The following RANBP10 variants were observed in gnomAD, a reference collection of about 807,000 sequenced individuals.
The protein encoded by RANBP10 is RAN binding protein 10.
In RANBP10, 24 loss-of-function variants were observed where a neutral mutation model predicts 72.8. That is an observed-to-expected ratio of 0.33 (90% confidence interval 0.24 to 0.46). The LOEUF is 0.46. Among genes scored for constraint, RANBP10 ranks in the 20% least tolerant of loss-of-function variants. RANBP10 has a pLI of 1.00. For missense variants in RANBP10, 679 were observed against 817.5 expected, an observed-to-expected ratio of 0.83 and a Z score of 2.07; for synonymous variants, 310 against 322.3, an observed-to-expected ratio of 0.96 and a Z score of 0.41.
intron 2 of RANBP10, among the ~76,000 whole-genome samples, chr16:67,785,358 A>G (rs944417589): frequency 1.1e-4 from 17 of 152,288 alleles, no homozygotes; most frequent in South Asian, 2.1e-4. Context: ...TTGATTTCAC[A>G]ATGGATTTAG....
intron 3 of RANBP10, among the ~76,000 whole-genome samples, chr16:67,751,124 T>C (rs2054187926): frequency 1.3e-5 from 2 of 152,206 alleles, no homozygotes; most frequent in Non-Finnish European, 2.9e-5. Flanking sequence ...AACAACAATT[T>C]GGTCATTTGA....
At chr16:67,733,053 CAAAAAAA>C (rs770521202) in intron 6 of RANBP10, among the ~76,000 whole-genome samples, 10 of 43,804 alleles carry the variant, frequency 2.3e-4, no homozygotes, top group African/African-American at 7.3e-4. Flanking sequence ...GACTCCATCT[CAAAAAAA>C]AAAAAAAAAA....
chr16:67,791,715 C>A (rs1211271838), intron 2 of RANBP10, among the ~76,000 whole-genome samples: 1 of 152,118 alleles, frequency 6.6e-6, no homozygotes, highest in Non-Finnish European at 1.5e-5. Flanking sequence ...TCAGAACCTG[C>A]CCCAGAAAAG....
chr16:67,803,828 ATT>A (rs2055280925), intron 2 of RANBP10, among the ~76,000 whole-genome samples: 1 of 136,598 alleles, frequency 7.3e-6, no homozygotes, highest in Non-Finnish European at 1.5e-5. Flanking sequence ...ACCCCATCTC[ATT>A]AAAAAAAAAA....
rs140869205 is a variant in RANBP10 at position 67,754,350 on chromosome 16, G to C, written c.401-9895C>G. On this transcript the variant is annotated intron_variant, in intron 3 of 13. Coordinates refer to ENST00000317506, the MANE Select transcript of RANBP10 (RefSeq NM_020850.3). ...AACAGTGGTGTGGACAGAAAACTTT[G>C]AGTGAAGTCACTGGAGGATTTTCCT... Among the ~76,000 whole-genome samples, 283 of 152,280 alleles carry C rather than the reference G, an allele frequency of 1.9e-3. 2 individuals are homozygous for C. The highest frequency in any genetic ancestry group is 3.1e-3 in the Non-Finnish European group (211 of 68,010).
At position 67,729,704 on chromosome 16, in the gene RANBP10, T is replaced by A. The variant is rs768686615; in HGVS notation, c.1123A>T (p.Ser375Cys). Reference protein sequence around the residue: ...SPSLSPRHGPSSSHMHNTGAD... With the variant: ...SPSLSPRHGPCSSHMHNTGAD... ...CCTGTGTTGTGCATGTGGGAACTAC[T>A]GGGGCCATGTCGGGGACTGAGGCTG... is the stretch of plus-strand genomic sequence containing the variant. The change falls in exon 9 of 14, where the codon AGT becomes TGT. Residue 375 changes from serine to cysteine, a missense_variant. By Grantham distance (112) the Ser-to-Cys change is moderately radical (BLOSUM62 -1). Coordinates refer to ENST00000317506, the MANE Select transcript of RANBP10 (RefSeq NM_020850.3). This position sits in a 1 kb window ranked among gnomAD's most constrained non-coding sequence, Gnocchi z 7.1. 1.2e-6 allele frequency: 2 copies of A among 1,613,360 alleles called. No homozygotes were observed. The highest frequency in any genetic ancestry group is 1.7e-6 in the Non-Finnish European group (2 of 1,179,644).
intron 10 of RANBP10, 111 bp from the exon 11 acceptor site, chr16:67,728,622 C>A: frequency 6.4e-7 from 1 of 1,571,210 alleles, no homozygotes; most frequent in Non-Finnish European, 8.6e-7. Flanking sequence ...ACCGAGGACC[C>A]CCAGGAACAT....
At chr16:67,772,110 A>C (rs1000969365) in intron 2 of RANBP10, 24 bp from the exon 3 acceptor site, 53 of 1,574,260 alleles carry the variant, frequency 3.4e-5, no homozygotes, top group Middle Eastern at 1.7e-4. Flanking sequence ...AAAAAAAAAA[A>C]CACAAAATTT....
At chr16:67,742,799 C>A (rs2053994274) in intron 4 of RANBP10, among the ~76,000 whole-genome samples, 1 of 152,130 alleles carries the variant, frequency 6.6e-6, no homozygotes, top group South Asian at 2.1e-4. Context: ...CAATAGTGGC[C>A]CCTGGGACTT....
At chr16:67,740,573 T>G (rs2053950062) in intron 4 of RANBP10, among the ~76,000 whole-genome samples, 1 of 152,084 alleles carries the variant, frequency 6.6e-6, no homozygotes, top group South Asian at 2.1e-4. Context: ...ACAACAGGTC[T>G]CCCAGAAACC....
chr16:67,740,204 G>A (rs2053941376), intron 4 of RANBP10, among the ~76,000 whole-genome samples: 1 of 150,644 alleles, frequency 6.6e-6, no homozygotes, highest in African/African-American at 2.4e-5. Flanking sequence ...CCGGGTTCAC[G>A]CCATTCTCCC....
chr16:67,775,476 G>T (rs1264509795), intron 2 of RANBP10, among the ~76,000 whole-genome samples: 1 of 151,964 alleles, frequency 6.6e-6, no homozygotes, highest in African/African-American at 2.4e-5. Context: ...CATCCAAATT[G>T]GAAAGGAAAA....
At position 67,738,419 on chromosome 16, in the gene RANBP10, T is replaced by A. The variant is rs570874185; in HGVS notation, c.569-384A>T. On this transcript the variant is annotated intron_variant, in intron 4 of 13. Coordinates refer to ENST00000317506, the MANE Select transcript of RANBP10 (RefSeq NM_020850.3). ...TCCCAAAGTGCTAGGATTACAGGCA[T>A]GAGCTACTGTGTCCAGCTGGGAAGG... 3.4e-4 allele frequency among the ~76,000 whole-genome samples: 51 copies of A among 151,920 alleles called. 1 individual carries two copies. The highest frequency in any genetic ancestry group is 4.6e-4 in the Non-Finnish European group (31 of 67,994).
intron 2 of RANBP10, among the ~76,000 whole-genome samples, chr16:67,773,432 C>A (rs1276453592): frequency 6.6e-6 from 1 of 152,166 alleles, no homozygotes. Flanking sequence ...TCAGGTATTT[C>A]TTTATAGTAA....
At chr16:67,796,866 A>C (rs2055143551) in intron 2 of RANBP10, among the ~76,000 whole-genome samples, 1 of 152,188 alleles carries the variant, frequency 6.6e-6, no homozygotes, top group African/African-American at 2.4e-5. Context: ...AAGTCACAAC[A>C]CCAACGATCC....
Position 67,729,160 on chromosome 16 carries a change from C to G in RANBP10, c.1352+120G>C. On this transcript the variant is annotated intron_variant, in intron 10 of 13. Coordinates refer to ENST00000317506, the MANE Select transcript of RANBP10 (RefSeq NM_020850.3). The surrounding 1 kb of genome is among the most constrained non-coding windows in gnomAD (Gnocchi z 7.1). ...GCCCGGTGGGCCAAAAATTAGGACTCCAGGCACAGACCTGAGATGGAGGCT... is the reference window on the plus strand; with the variant it reads ...GCCCGGTGGGCCAAAAATTAGGACTGCAGGCACAGACCTGAGATGGAGGCT... 2.6e-6 allele frequency: 4 copies of G among 1,511,888 alleles called. No individual in the cohort carries two copies. The South Asian group carries it at 5.3e-5, about 20-fold the overall frequency. The allele number at this position is 1,511,888 out of a possible 1,614,324, so 93.7% of individuals were successfully genotyped here.
intron 2 of RANBP10, among the ~76,000 whole-genome samples, chr16:67,778,938 T>G (rs1348183062): frequency 6.6e-6 from 1 of 151,094 alleles, no homozygotes; most frequent in African/African-American, 2.4e-5. Context: ...ACAAAAAATA[T>G]AAAAATCAGC....
At chr16:67,744,145 C>A in intron 4 of RANBP10, 143 bp downstream of exon 4, 1 of 1,469,484 alleles carries the variant, frequency 6.8e-7, no homozygotes, top group East Asian at 2.4e-5. Flanking sequence ...CTCTATTCAC[C>A]TGAAAGGGCT....
At chr16:67,733,314 C>T (rs2143002223) in intron 6 of RANBP10, among the ~76,000 whole-genome samples, 1 of 152,124 alleles carries the variant, frequency 6.6e-6, no homozygotes, top group Middle Eastern at 3.4e-3. Flanking sequence ...TGCAGTGAGC[C>T]ATGACTGTGT....
Sources: gnomAD v4.1 joint callset for allele counts (sites outside exome capture counted in the v4.1 genomes callset) on GRCh38, gnomAD v4.1.1 for gene constraint, Gnocchi (gnomAD v3.1) non-coding constraint, MANE v1.5 for transcripts, NCBI Gene and HGNC (gene_info 2026-07-23, HGNC 2026-07-21) for gene names.